ARHGEF10L: variants seen among roughly 807,000 people sequenced by gnomAD.
ARHGEF10L encodes rho guanine nucleotide exchange factor 10-like protein.
A neutral mutation model predicts 141.2 loss-of-function variants in ARHGEF10L; 69 were observed. The ratio of observed to expected loss-of-function variants is 0.49; its 90% CI spans 0.40 to 0.60. The LOEUF (loss-of-function observed/expected upper bound fraction) is 0.60, where lower values mean the gene tolerates loss of function less well. Ranked by LOEUF, ARHGEF10L falls within the 20% of genes least tolerant of loss-of-function variation. The pLI, the probability that ARHGEF10L is intolerant of heterozygous loss-of-function variation, is 0.00. For missense variants in ARHGEF10L, 1,482 were observed against 1,734.3 expected (o/e 0.85, Z 2.58); for synonymous variants, 711 against 718.5 (o/e 0.99, Z 0.17).
intron 26 of ARHGEF10L, among the ~76,000 whole-genome samples, chr1:17,664,971 G>T (rs1384754329): frequency 6.6e-6 from 1 of 152,174 alleles, no homozygotes; most frequent in Non-Finnish European, 1.5e-5. Context: ...CATCCGCTGG[G>T]CTCTTCAAAC....
rs762874804 is a variant in ARHGEF10L at position 17,607,396 on chromosome 1, G to A, written c.434-406G>A. ...AAGCTGAGATAGGAGGATCTCTTGA[G>A]CCCAGGAGTTTGAGGCCACAGTGAG... On this transcript the variant is annotated intron_variant, in intron 6 of 28. Transcript: ENST00000361221. The surrounding 1 kb of genome is among the most constrained non-coding windows in gnomAD (Gnocchi z 4.5). 3.9e-5 allele frequency among the ~76,000 whole-genome samples: 6 copies of A among 152,144 alleles called. No homozygotes were observed. The highest frequency in any genetic ancestry group is 7.3e-5 in the Non-Finnish European group (5 of 68,044).
At chr1:17,677,605 G>A (rs533868707) in intron 26 of ARHGEF10L, among the ~76,000 whole-genome samples, 3 of 152,150 alleles carry the variant, frequency 2.0e-5, no homozygotes, top group Admixed American at 6.5e-5. Context: ...GGGAGATCAG[G>A]GGGGGAGAGA....
intron 28 of ARHGEF10L, among the ~76,000 whole-genome samples, chr1:17,696,041 T>TA (rs1051163090): frequency 1.7e-4 from 26 of 148,936 alleles, no homozygotes; most frequent in African/African-American, 4.8e-4. Context: ...TACTAAAAAA[T>TA]AAAAAAAAAT....
At chr1:17,669,447 T>C (rs1044360084) in intron 26 of ARHGEF10L, among the ~76,000 whole-genome samples, 2 of 152,170 alleles carry the variant, frequency 1.3e-5, no homozygotes, top group African/African-American at 4.8e-5. Context: ...ATGAATACGA[T>C]TATTCCCACT....
intron 26 of ARHGEF10L, among the ~76,000 whole-genome samples, chr1:17,667,402 C>G (rs754145789): frequency 8.5e-5 from 13 of 152,246 alleles, no homozygotes; most frequent in Non-Finnish European, 1.8e-4. Context: ...GGCCTCTAGT[C>G]TGATGAGGGA....
In ARHGEF10L at chr1:17,629,089, C is replaced by T. The variant is rs538367575; in HGVS notation, c.1584+1586C>T. 2.6e-3 allele frequency among the ~76,000 whole-genome samples: 389 copies of T among 152,210 alleles called. 2 individuals carry two copies. The highest frequency in any genetic ancestry group is 4.5e-3 in the Non-Finnish European group (306 of 68,000). On this transcript the variant is annotated intron_variant, in intron 15 of 28. Coordinates refer to ENST00000361221, the MANE Select transcript of ARHGEF10L (RefSeq NM_018125.4). Reference sequence around the variant, plus strand: ...AGGCTGGAGTACAGTGGTACAATAACGGCTCACTGCAGCCTTGAGCTCCTG... The same window carrying T: ...AGGCTGGAGTACAGTGGTACAATAATGGCTCACTGCAGCCTTGAGCTCCTG...
intron 26 of ARHGEF10L, among the ~76,000 whole-genome samples, chr1:17,676,086 G>T (rs1482700016): frequency 6.7e-6 from 1 of 149,182 alleles, no homozygotes; most frequent in Non-Finnish European, 1.5e-5. Flanking sequence ...GCAGGCATGG[G>T]TGCGGGTGTA....
intron 1 of ARHGEF10L, among the ~76,000 whole-genome samples, chr1:17,571,595 G>A (rs1251228998): frequency 6.6e-6 from 1 of 152,112 alleles, no homozygotes; most frequent in Admixed American, 6.5e-5. Context: ...GTGCAGTAGT[G>A]CGATCTTGGC....
intron 14 of ARHGEF10L, among the ~76,000 whole-genome samples, chr1:17,626,555 A>G (rs1018930444): frequency 6.6e-6 from 1 of 152,162 alleles, no homozygotes; most frequent in Admixed American, 6.5e-5. Flanking sequence ...GCACATTGCT[A>G]TCCACTCTCA....
At chr1:17,689,948 C>T in intron 27 of ARHGEF10L, 3 of 421,846 alleles carry the variant, frequency 7.1e-6, no homozygotes, top group Non-Finnish European at 1.4e-5. Context: ...GTTTCACATG[C>T]ACCTTCACGC....
chr1:17,657,203 T>TAA (rs1184121645), intron 25 of ARHGEF10L, among the ~76,000 whole-genome samples: 1 of 152,182 alleles, frequency 6.6e-6, no homozygotes, highest in African/African-American at 2.4e-5. Flanking sequence ...GAGCCATCCC[T>TAA]AGCACAGGTT....
At chr1:17,682,920 T>C (rs34357655) in intron 26 of ARHGEF10L, among the ~76,000 whole-genome samples, 22,108 of 152,184 alleles carry the variant, frequency 0.15, 1,736 homozygotes, top group Non-Finnish European at 0.17. Flanking sequence ...TTCACCCTTT[T>C]CTGGTTGGGA....
At chr1:17,533,385 G>A in the ARHGEF10L span, among the ~76,000 whole-genome samples, 1 of 152,106 alleles carries the variant, frequency 6.6e-6, no homozygotes, top group African/African-American at 2.4e-5. Flanking sequence ...GCCCAGGCTG[G>A]TCTTGAACTC....
At chr1:17,609,468 A>G (rs1284014426) in intron 7 of ARHGEF10L, among the ~76,000 whole-genome samples, 1 of 152,218 alleles carries the variant, frequency 6.6e-6, no homozygotes, top group Non-Finnish European at 1.5e-5. Context: ...GACGGGATAC[A>G]TTGGAACAGG....
At chr1:17,626,700 C>G (rs1232438304) in intron 14 of ARHGEF10L, among the ~76,000 whole-genome samples, 1 of 152,196 alleles carries the variant, frequency 6.6e-6, no homozygotes, top group East Asian at 1.9e-4. Context: ...CAACCATCAC[C>G]ACCACCCATC....
chr1:17,669,068 C>T (rs1054988346), intron 26 of ARHGEF10L, among the ~76,000 whole-genome samples: 15 of 152,284 alleles, frequency 9.9e-5, no homozygotes, highest in East Asian at 1.9e-4. Flanking sequence ...GGCTGTGCCT[C>T]GCGTGTGATG....
At chr1:17,636,140 G>C (rs574614094) in intron 18 of ARHGEF10L, among the ~76,000 whole-genome samples, 12 of 152,258 alleles carry the variant, frequency 7.9e-5, no homozygotes, top group African/African-American at 2.9e-4. Flanking sequence ...GGGGCACAGG[G>C]TTCCTTTCTG....
At chr1:17,647,568 G>A (rs568214425) in intron 21 of ARHGEF10L, among the ~76,000 whole-genome samples, 7 of 152,248 alleles carry the variant, frequency 4.6e-5, no homozygotes, top group Admixed American at 1.3e-4. Flanking sequence ...CATGTTTTCC[G>A]AGCACTCGCT....
chr1:17,614,226 C>A, intron 8 of ARHGEF10L, among the ~76,000 whole-genome samples: 1 of 142,970 alleles, frequency 7.0e-6, no homozygotes, highest in East Asian at 2.0e-4. Context: ...AGAGCAGACC[C>A]TTTACAGTTA....
Sources: allele counts gnomAD v4.1 joint callset (sites outside exome capture counted in the v4.1 genomes callset), GRCh38; gene constraint gnomAD v4.1.1; non-coding constraint Gnocchi (gnomAD v3.1); transcripts MANE v1.5; gene names NCBI Gene and HGNC (gene_info 2026-07-23, HGNC 2026-07-21).